Variants in ATRNL1 observed in about 807,000 individuals in gnomAD.
The protein encoded by ATRNL1 is attractin-like protein 1.
In ATRNL1, 95 loss-of-function variants were observed where a neutral mutation model predicts 182.7. That is an observed-to-expected ratio of 0.52 (90% CI 0.44 to 0.62). The LOEUF (loss-of-function observed/expected upper bound fraction) is 0.62. Ranked by LOEUF, ATRNL1 falls within the 20% of genes least tolerant of loss-of-function variation. The pLI, the probability that ATRNL1 is intolerant of heterozygous loss-of-function variation, is 0.00. For missense variants in ATRNL1, 1,471 were observed against 1,679.5 expected, an observed-to-expected ratio of 0.88 and a Z score of 2.17; for synonymous variants, 576 against 568.3, an observed-to-expected ratio of 1.01 and a Z score of -0.19.
intron 14 of ATRNL1, among the ~76,000 whole-genome samples, chr10:115,283,482 A>G (rs782402449): frequency 6.6e-6 from 1 of 152,196 alleles, no homozygotes; most frequent in Non-Finnish European, 1.5e-5. Context: ...AATTTTGTTT[A>G]CATACTGGCC....
chr10:115,349,055 A>T (rs1554940530), intron 19 of ATRNL1, among the ~76,000 whole-genome samples: 1 of 152,118 alleles, frequency 6.6e-6, no homozygotes, highest in Non-Finnish European at 1.5e-5. Context: ...ACTAGATCTT[A>T]TTCTTTCTTT....
chr10:115,353,598 C>T (rs1856367942), intron 19 of ATRNL1, among the ~76,000 whole-genome samples: 1 of 152,120 alleles, frequency 6.6e-6, no homozygotes, highest in Non-Finnish European at 1.5e-5. Context: ...TTAACTACTT[C>T]CAGTTTGTCA....
chr10:115,682,933 G>A (rs975178253), intron 26 of ATRNL1, among the ~76,000 whole-genome samples: 8 of 152,188 alleles, frequency 5.3e-5, no homozygotes, highest in Admixed American at 6.6e-5. Flanking sequence ...TTCTGGTTCT[G>A]CCTTTTCTAG....
chr10:115,940,710 C>G (rs933996113), intron 28 of ATRNL1, among the ~76,000 whole-genome samples: 3 of 139,576 alleles, frequency 2.1e-5, no homozygotes, highest in African/African-American at 8.4e-5. Flanking sequence ...CTCTCTCTCT[C>G]TCTTTTAGTG....
chr10:115,624,387 A>G (rs567169162), intron 26 of ATRNL1, among the ~76,000 whole-genome samples: 1 of 152,168 alleles, frequency 6.6e-6, no homozygotes, highest in Non-Finnish European at 1.5e-5. Context: ...TTATTGCAAA[A>G]TAGTCAGCAA....
chr10:115,305,642 G>C (rs1449542276), intron 17 of ATRNL1, among the ~76,000 whole-genome samples: 2 of 152,140 alleles, frequency 1.3e-5, no homozygotes, highest in African/African-American at 4.8e-5. Flanking sequence ...CTTGTCTCTC[G>C]ACAAACATTA....
chr10:115,538,335 G>T (rs1260077567), intron 25 of ATRNL1, among the ~76,000 whole-genome samples: 1 of 152,204 alleles, frequency 6.6e-6, no homozygotes, highest in African/African-American at 2.4e-5. Flanking sequence ...GGTTCCAGTT[G>T]TTGCACATTC....
At chr10:115,265,749 T>C (rs906882006) in intron 11 of ATRNL1, among the ~76,000 whole-genome samples, 1 of 151,798 alleles carries the variant, frequency 6.6e-6, no homozygotes, top group East Asian at 1.9e-4. Flanking sequence ...TTATATCCAT[T>C]GAGAAATTGG....
At chr10:115,702,811 G>A (rs1946779675) in intron 26 of ATRNL1, among the ~76,000 whole-genome samples, 1 of 151,746 alleles carries the variant, frequency 6.6e-6, no homozygotes, top group Admixed American at 6.6e-5. Context: ...AAAACATTCT[G>A]TACTCATGGA....
At chr10:115,589,941 C>T (rs1368755535) in intron 26 of ATRNL1, among the ~76,000 whole-genome samples, 1 of 152,094 alleles carries the variant, frequency 6.6e-6, no homozygotes, top group Admixed American at 6.6e-5. Flanking sequence ...TGTGTAAAAC[C>T]GAATTCTATC....
At chr10:115,100,712 C>A (rs1278208625) in intron 1 of ATRNL1, among the ~76,000 whole-genome samples, 2 of 152,102 alleles carry the variant, frequency 1.3e-5, no homozygotes, top group African/African-American at 4.8e-5. Flanking sequence ...ATTATTTTGG[C>A]TACTCTGAGT....
At chr10:115,606,852 A>G (rs1555017742) in intron 26 of ATRNL1, among the ~76,000 whole-genome samples, 1 of 152,040 alleles carries the variant, frequency 6.6e-6, no homozygotes. Flanking sequence ...TGCCTGTTCT[A>G]GTAAACATGA....
In ATRNL1 at chr10:115,244,448, A is replaced by C. The variant is rs571444410; in HGVS notation, c.1687+2723A>C. Among the ~76,000 whole-genome samples the C allele has an allele frequency of 2.6e-5, 4 of 152,276 alleles. No individual in the cohort carries two copies. In the South Asian group the frequency reaches 8.3e-4, roughly 32 times the overall value. ...TCCTCTTTGGAGGTTGGTTGGAAAA[A>C]AAAAATAACTTACGTAATCAGATTC... On this transcript the variant is annotated intron_variant, in intron 10 of 28. Transcript: ENST00000355044.
chr10:115,526,998 G>C (rs1052518645), intron 25 of ATRNL1, among the ~76,000 whole-genome samples: 2 of 152,032 alleles, frequency 1.3e-5, no homozygotes, highest in African/African-American at 2.4e-5. Context: ...TTTAGTCCTT[G>C]ACTAAGGACA....
chr10:115,626,225 G>T (rs1427629822), intron 26 of ATRNL1, among the ~76,000 whole-genome samples: 3 of 152,152 alleles, frequency 2.0e-5, no homozygotes, highest in Non-Finnish European at 2.9e-5. Flanking sequence ...TCTGTAAGTT[G>T]TCAGATAAAG....
intron 27 of ATRNL1, among the ~76,000 whole-genome samples, chr10:115,822,032 A>G (rs1258640278): frequency 2.0e-5 from 3 of 152,184 alleles, no homozygotes; most frequent in African/African-American, 7.2e-5. Context: ...AATTGGAAGT[A>G]AAACACTCCT....
chr10:115,915,413 T>A (rs189774640), intron 28 of ATRNL1, among the ~76,000 whole-genome samples: 3,144 of 150,354 alleles, frequency 0.021, 86 homozygotes, highest in African/African-American at 0.072. Flanking sequence ...AAAAAAAAAT[T>A]TTTTTTGACA....
At chr10:115,230,706 G>A (rs536203175) in intron 9 of ATRNL1, among the ~76,000 whole-genome samples, 1 of 152,228 alleles carries the variant, frequency 6.6e-6, no homozygotes, top group African/African-American at 2.4e-5. Context: ...GCAGAAGCAG[G>A]AAGACCATTT....
At chr10:115,348,424 G>C (rs1306622572) in intron 19 of ATRNL1, among the ~76,000 whole-genome samples, 1 of 151,928 alleles carries the variant, frequency 6.6e-6, no homozygotes, top group Admixed American at 6.6e-5. Context: ...CTATTATTGT[G>C]ATATTATTAT....
Sources: gnomAD v4.1 joint callset for allele counts (sites outside exome capture counted in the v4.1 genomes callset) on GRCh38, gnomAD v4.1.1 for gene constraint, MANE v1.5 for transcripts, NCBI Gene and HGNC (gene_info 2026-07-23, HGNC 2026-07-21) for gene names.